Variants in ANGPTL5 observed in about 807,000 individuals in gnomAD.
The protein encoded by ANGPTL5 is angiopoietin like 5.
In ANGPTL5, 34 loss-of-function variants were observed where a neutral mutation model predicts 39.4. The ratio of observed to expected loss-of-function variants is 0.86; its 90% CI spans 0.66 to 1.15. The LOEUF is 1.15. Ranked by LOEUF, ANGPTL5 falls within the 50% of genes most tolerant of loss-of-function variation. The pLI, the probability that ANGPTL5 is intolerant of heterozygous loss-of-function variation, is 0.00. For missense variants in ANGPTL5, 467 were observed against 457.5 expected, an observed-to-expected ratio of 1.02 and a Z score of -0.19; for synonymous variants, 146 against 152.1, an observed-to-expected ratio of 0.96 and a Z score of 0.29.
Position 101,908,838 on chromosome 11 carries a change from T to C in ANGPTL5, c.-92-837A>G, listed in dbSNP as rs537142788. Among the ~76,000 whole-genome samples the C allele has an allele frequency of 5.2e-4, 79 of 151,900 alleles. No individual in the cohort carries two copies. In the Middle Eastern group the frequency reaches 0.01, roughly 20 times the overall value. ...AAGACTGTAATTAATCTGTAATTAGTTGTAATCTAATTACAACTATTTTGT... is the reference window on the plus strand; with the variant it reads ...AAGACTGTAATTAATCTGTAATTAGCTGTAATCTAATTACAACTATTTTGT... On this transcript the variant is annotated intron_variant, in intron 1 of 8. Transcript: ENST00000334289.
chr11:101,900,283 C>A, intron 7 of ANGPTL5, 147 bp downstream of exon 7: 1 of 742,834 alleles, frequency 1.3e-6, no homozygotes, highest in Non-Finnish European at 2.2e-6. Context: ...TTTAAATAAT[C>A]TGGCATATGA....
At chr11:101,910,149 G>A (rs1052286081) in intron 1 of ANGPTL5, among the ~76,000 whole-genome samples, 3 of 152,044 alleles carry the variant, frequency 2.0e-5, no homozygotes, top group Non-Finnish European at 2.9e-5. Flanking sequence ...GGTGGCTCAC[G>A]CCTGTAATCC....
At position 101,916,453 on chromosome 11, in the gene ANGPTL5, CA is replaced by C. The variant is rs1940215573; in HGVS notation, c.-528del. ...TGCTTTCTGCAATCTTCCATCCCTT[CA>C]GTCTTTTCTTTCTTTGGGCAGGTTC... On this transcript the variant is annotated 5_prime_UTR_variant, in exon 1 of 9. Transcript: ENST00000334289. 1 of 152,236 alleles carries C rather than the reference CA, an allele frequency of 6.6e-6. No homozygotes were observed. Among genetic ancestry groups the C allele is most frequent in the Non-Finnish European group, 1.5e-5 (1 of 68,038 alleles). 9.4% of individuals were successfully genotyped at this position (152,236 alleles called of 1,614,324 possible). A position where few individuals can be genotyped will look rare whatever the true frequency, so the allele number is the denominator to read the frequency against.
At chr11:101,895,279 C>A (rs947566448) in intron 7 of ANGPTL5, among the ~76,000 whole-genome samples, 1 of 152,112 alleles carries the variant, frequency 6.6e-6, no homozygotes, top group Admixed American at 6.6e-5. Context: ...TTGAGAAAAT[C>A]AGACCCTTTT....
At chr11:101,911,618 A>G (rs1940094063) in intron 1 of ANGPTL5, among the ~76,000 whole-genome samples, 1 of 152,130 alleles carries the variant, frequency 6.6e-6, no homozygotes, top group Admixed American at 6.5e-5. Context: ...CCTGCCATGT[A>G]AGATGCCTGC....
intron 7 of ANGPTL5, among the ~76,000 whole-genome samples, chr11:101,895,784 G>A (rs1175154618): frequency 1.3e-5 from 2 of 152,034 alleles, no homozygotes; most frequent in African/African-American, 2.4e-5. Flanking sequence ...CCCTACCCAC[G>A]TGGCATAGCC....
At position 101,910,423 on chromosome 11, in the gene ANGPTL5, AAATAT is replaced by A. The variant is rs1408674973; in HGVS notation, c.-92-2427_-92-2423del. Among the ~76,000 whole-genome samples the A allele has an allele frequency of 4.4e-5, 6 of 136,996 alleles. No individual in the cohort carries two copies. The East Asian group carries it at 9.0e-4, about 20-fold the overall frequency. 89.9% of individuals were successfully genotyped at this position (136,996 alleles called of 152,430 possible). On this transcript the variant is annotated intron_variant, in intron 1 of 8. Coordinates refer to ENST00000334289, the MANE Select transcript of ANGPTL5 (RefSeq NM_178127.5). ...AAAACTCCGTCTCAAAAAAAAAAAA[AAATAT>A]ATATATATATATATATATTCAAATT... is the stretch of plus-strand genomic sequence containing the variant.
chr11:101,913,246 T>C (rs958109895), intron 1 of ANGPTL5, among the ~76,000 whole-genome samples: 9 of 152,190 alleles, frequency 5.9e-5, no homozygotes, highest in African/African-American at 2.2e-4. Context: ...TAAAAAAAAT[T>C]TAGACATAAT....
In ANGPTL5 at chr11:101,891,360, C is replaced by A. The variant is rs373076823; in HGVS notation, c.1086G>T (p.Thr362=). ...TGACAGGTGAGTTGTTTTTGGTCCA[C>A]GTGCCCCATTGAATTCCAGTTGCAA... ...KLLATGIQWG[T]WTKNNSPVKI... is the part of the protein sequence containing the mutation. Residue 362 remains threonine, a synonymous_variant, in exon 9 of 9, where the codon ACG becomes ACT. Transcript: ENST00000334289. 3 of 1,613,836 alleles carry A rather than the reference C, an allele frequency of 1.9e-6. No individual in the cohort carries two copies. Among genetic ancestry groups the A allele is most frequent in the African/African-American group, 1.3e-5 (1 of 74,856 alleles).
intron 1 of ANGPTL5, among the ~76,000 whole-genome samples, chr11:101,908,295 GA>G (rs71728675): frequency 2.0e-5 from 3 of 151,508 alleles, no homozygotes; most frequent in Non-Finnish European, 4.4e-5. Context: ...CTTGCCTTGG[GA>G]AAAAAAATGG....
chr11:101,894,380 G>A (rs1023784415), intron 8 of ANGPTL5, among the ~76,000 whole-genome samples: 1 of 152,106 alleles, frequency 6.6e-6, no homozygotes, highest in Non-Finnish European at 1.5e-5. Context: ...AATTTATTTG[G>A]AAATGAGCAG....
chr11:101,915,236 C>A (rs761812843), intron 1 of ANGPTL5: 12 of 1,607,956 alleles, frequency 7.5e-6, no homozygotes, highest in Non-Finnish European at 9.3e-6. Flanking sequence ...CCGGAGCTGC[C>A]ATGAGGGAGG....
At chr11:101,896,684 A>G (rs1433215512) in intron 7 of ANGPTL5, among the ~76,000 whole-genome samples, 1 of 152,038 alleles carries the variant, frequency 6.6e-6, no homozygotes, top group Non-Finnish European at 1.5e-5. Flanking sequence ...AAGGACATGA[A>G]CTCATTCTTT....
chr11:101,898,115 C>T (rs1425257477), intron 7 of ANGPTL5, among the ~76,000 whole-genome samples: 1 of 151,974 alleles, frequency 6.6e-6, no homozygotes, highest in Non-Finnish European at 1.5e-5. Context: ...CCCAACTACT[C>T]GGGAGGCTGA....
chr11:101,902,726 A>G lies in ANGPTL5; in HGVS notation c.440-5T>C. The G allele has an allele frequency of 6.4e-7, 1 of 1,564,770 alleles. No homozygotes were observed. Among genetic ancestry groups the G allele is most frequent in the Non-Finnish European group, 8.8e-7 (1 of 1,137,136 alleles). On this transcript the variant is annotated splice_region_variant and splice_polypyrimidine_tract_variant and intron_variant, in intron 5 of 8. Transcript: ENST00000334289. ...TAATATCAGTGCAATCTAAACCTAGAAAAGCAAAATTATTTAATTGGGATA... is the reference window on the plus strand; with the variant it reads ...TAATATCAGTGCAATCTAAACCTAGGAAAGCAAAATTATTTAATTGGGATA...
Position 101,891,255 on chromosome 11 carries a change from C to A in ANGPTL5, c.*24G>T, listed in dbSNP as rs771648800. 1.3e-6 allele frequency: 2 copies of A among 1,573,734 alleles called. No individual in the cohort carries two copies. The highest frequency in any genetic ancestry group is 3.4e-5 in the Admixed American group (2 of 59,416). On this transcript the variant is annotated 3_prime_UTR_variant, in exon 9 of 9. Coordinates refer to ENST00000334289, the MANE Select transcript of ANGPTL5 (RefSeq NM_178127.5). ...TCTTTAATATATTATCATTGTAGAACTTGCATTACAATGTTAAATGAGATT... is the reference window on the plus strand; with the variant it reads ...TCTTTAATATATTATCATTGTAGAAATTGCATTACAATGTTAAATGAGATT...
In ANGPTL5 at chr11:101,891,348, G is replaced by GT. The variant is rs199645342; in HGVS notation, c.1097dup (p.Asn366LysfsTer8). On this transcript the variant is annotated frameshift_variant, in exon 9 of 9. Coordinates refer to ENST00000334289, the MANE Select transcript of ANGPTL5 (RefSeq NM_178127.5). LOFTEE classifies it high-confidence loss of function. ...CAGATTTAATCTTGACAGGTGAGTTGTTTTTGGTCCACGTGCCCCATTGAA... is the reference window on the plus strand; with the variant it reads ...CAGATTTAATCTTGACAGGTGAGTTGTTTTTTGGTCCACGTGCCCCATTGAA... The GT allele has an allele frequency of 7.1e-4, 1,148 of 1,613,972 alleles. 16 individuals carry two copies. In the East Asian group the frequency reaches 0.021, roughly 30 times the overall value.
chr11:101,909,835 T>C (rs1433906711), intron 1 of ANGPTL5, among the ~76,000 whole-genome samples: 1 of 152,268 alleles, frequency 6.6e-6, no homozygotes, highest in African/African-American at 2.4e-5. Context: ...TGAGTTCCTC[T>C]GTAGCAAACT....
chr11:101,913,505 G>A (rs1187618221), intron 1 of ANGPTL5, among the ~76,000 whole-genome samples: 1 of 152,086 alleles, frequency 6.6e-6, no homozygotes, highest in African/African-American at 2.4e-5. Flanking sequence ...TTGTGGGATG[G>A]CCCTCCTTTC....
Sources: gnomAD v4.1 joint callset for allele counts (sites outside exome capture counted in the v4.1 genomes callset) on GRCh38, gnomAD v4.1.1 for gene constraint, MANE v1.5 for transcripts, NCBI Gene and HGNC (gene_info 2026-07-23, HGNC 2026-07-21) for gene names.